Variants in CCS observed in about 807,000 individuals in gnomAD.
CCS encodes copper chaperone for superoxide dismutase.
Under a neutral mutation model 35.5 loss-of-function variants are expected in CCS, and 32 were observed. The ratio of observed to expected loss-of-function variants is 0.90; its 90% confidence interval spans 0.68 to 1.21. The LOEUF is 1.21. Ranked by LOEUF, CCS falls within the 50% of genes most tolerant of loss-of-function variation. CCS has a pLI of 0.00. For missense variants in CCS, 342 were observed against 375.4 expected (o/e 0.91, Z 0.73); for synonymous variants, 130 against 147.2 (o/e 0.88, Z 0.84).
chr11:66,598,431 T>C, intron 2 of CCS, among the ~76,000 whole-genome samples: 1 of 148,446 alleles, frequency 6.7e-6, no homozygotes, highest in Admixed American at 6.9e-5. Flanking sequence ...GGAGAATCGC[T>C]TGAACCCGGG....
intron 5 of CCS, among the ~76,000 whole-genome samples, chr11:66,603,480 G>A (rs571407189): frequency 6.6e-6 from 1 of 152,316 alleles, no homozygotes; most frequent in East Asian, 1.9e-4. Context: ...GGAGGCTGAG[G>A]CGGATGGGTC....
chr11:66,599,774 C>T (rs994716212), intron 4 of CCS, 138 bp downstream of exon 4: 26 of 835,652 alleles, frequency 3.1e-5, no homozygotes, highest in Non-Finnish European at 4.6e-5. Context: ...GGTTAAATGA[C>T]TTGCCAAAGG....
rs143110361 is a variant in CCS, at chr11:66,602,409, G to A, written c.489+1860G>A. Among the ~76,000 whole-genome samples, 124 of 152,308 alleles carry A rather than the reference G, an allele frequency of 8.1e-4. 3 individuals are homozygous for A. The East Asian group carries it at 0.021, about 26-fold the overall frequency. On this transcript the variant is annotated intron_variant, in intron 5 of 7. Coordinates refer to ENST00000533244, the MANE Select transcript of CCS (RefSeq NM_005125.2). ...GCCACATGGGTCTCTCCCTAGGGCA[G>A]CTAACAACACGGCAGTTGGCTTCTC...
intron 5 of CCS, among the ~76,000 whole-genome samples, chr11:66,603,633 T>C (rs1052512032): frequency 2.6e-5 from 4 of 152,126 alleles, no homozygotes; most frequent in African/African-American, 9.7e-5. Context: ...GATCACAAGG[T>C]CAGGAGATCG....
chr11:66,605,730 G>T lies in CCS; in HGVS notation c.700G>T (p.Ala234Ser), dbSNP rs10061. The change falls in exon 8 of 8, where the codon GCT (alanine) becomes TCT (serine). Residue 234 changes from alanine to serine, a missense_variant. Coordinates refer to ENST00000533244, the MANE Select transcript of CCS (RefSeq NM_005125.2). Reference protein sequence around the residue: ...RLACGIIARSAGLFQNPKQIC... With the variant: ...RLACGIIARSSGLFQNPKQIC... ...GGCCTGTGGCATCATTGCACGCTCC[G>T]CTGGCCTTTTCCAGAACCCCAAGCA... 1.3e-6 allele frequency: 2 copies of T among 1,599,570 alleles called. No individual in the cohort carries two copies. Among genetic ancestry groups the T allele is most frequent in the Non-Finnish European group, 1.7e-6 (2 of 1,172,480 alleles).
chr11:66,605,529 G>A lies in CCS; in HGVS notation c.608G>A (p.Gly203Glu), dbSNP rs778116806. ...VIGRSLIIDE[G>E]EDDLGRGGHP... ...GGCCGCAGCCTGATTATTGATGAGG[G>A]AGAAGATGACCTGGGCCGGGGAGGC... Residue 203 changes from glycine to glutamate, a missense_variant, in exon 7 of 8, where the codon GGA (glycine) becomes GAA (glutamate). Gly to Glu is a moderately conservative substitution (Grantham distance 98). Coordinates refer to ENST00000533244, the MANE Select transcript of CCS (RefSeq NM_005125.2). 3.1e-6 allele frequency: 5 copies of A among 1,614,004 alleles called. No individual in the cohort carries two copies. Among genetic ancestry groups the A allele is most frequent in the African/African-American group, 1.3e-5 (1 of 74,926 alleles).
At chr11:66,597,620 C>T (rs1371515655) in intron 2 of CCS, among the ~76,000 whole-genome samples, 14 of 151,092 alleles carry the variant, frequency 9.3e-5, no homozygotes, top group African/African-American at 2.2e-4. Flanking sequence ...GGCTTGGTGG[C>T]GGGCGCCTGT....
rs552779599 is a variant in CCS, at chr11:66,599,510, G to A, written c.302G>A (p.Gly101Glu). Reference protein sequence around the residue: ...AILGGPGTVQGVVRFLQLTPE... With the variant: ...AILGGPGTVQEVVRFLQLTPE... ...CTGGGGGGGCCTGGCACCGTGCAGG[G>A]GGTGGTGCGCTTCCTACAGCTGACC... Residue 101 changes from glycine (G) to glutamate (E), a missense_variant, in exon 4 of 8, where the codon GGG becomes GAG. Coordinates refer to ENST00000533244, the MANE Select transcript of CCS (RefSeq NM_005125.2). 9 of 1,582,232 alleles carry A rather than the reference G, an allele frequency of 5.7e-6. No homozygotes were observed. In the African/African-American group the frequency reaches 1.1e-4, roughly 19 times the overall value.
chr11:66,599,112 C>A lies in CCS; in HGVS notation c.113-4C>A, dbSNP rs1296044084. Reference sequence around the variant, plus strand: ...GTTGCCCTCTTCCCTCTCTTTCTTGCCAGGTGTCCAGGATGTGGAGGTGCA... The same window carrying A: ...GTTGCCCTCTTCCCTCTCTTTCTTGACAGGTGTCCAGGATGTGGAGGTGCA... On this transcript the variant is annotated splice_polypyrimidine_tract_variant and splice_region_variant and intron_variant, in intron 2 of 7. Transcript: ENST00000533244. 6.2e-7 allele frequency: 1 copy of A among 1,614,126 alleles called. No homozygotes were observed. The highest frequency in any genetic ancestry group is 2.2e-5 in the East Asian group (1 of 44,884).
At chr11:66,600,310 C>G in intron 4 of CCS, 179 bp from the exon 5 acceptor site, 2 of 408,374 alleles carry the variant, frequency 4.9e-6, no homozygotes, top group African/African-American at 4.1e-5. Context: ...GAAGCTTATT[C>G]AGGACAGGAC....
Position 66,605,783 on chromosome 11 carries a change from C to T in CCS, c.753C>T (p.Ile251=), listed in dbSNP as rs1127141. The T allele has an allele frequency of 2.3e-5, 37 of 1,607,264 alleles. No homozygotes were observed. The Admixed American group carries it at 3.2e-4, about 14-fold the overall frequency. Residue 251 remains isoleucine, a synonymous_variant, in exon 8 of 8, where the codon ATC becomes ATT. Transcript: ENST00000533244. ...TCTGCTCTTGCGATGGCCTCACCAT[C>T]TGGGAGGAGCGAGGCCGGCCCATCG... The part of the protein sequence containing the change: ...KQICSCDGLT[I]WEERGRPIAG...
chr11:66,594,347 A>G (rs1590827358), intron 2 of CCS, among the ~76,000 whole-genome samples: 8 of 152,262 alleles, frequency 5.3e-5, no homozygotes, highest in Non-Finnish European at 8.8e-5. Flanking sequence ...CAACAGAGTG[A>G]GACTCCGTCT....
Position 66,605,682 on chromosome 11 carries a change from G to T in CCS, c.672-20G>T. 1 of 1,575,674 alleles carries T rather than the reference G, an allele frequency of 6.3e-7. No individual in the cohort carries two copies. Among genetic ancestry groups the T allele is most frequent in the South Asian group, 1.2e-5 (1 of 86,400 alleles). On this transcript the variant is annotated intron_variant, in intron 7 of 7. Transcript: ENST00000533244. ...GGGGGCCAAACAGGTACCCACCCCT[G>T]ACCACACATTCTTCTGCAGGTTGGC...
chr11:66,596,159 C>T (rs1305976995), intron 2 of CCS, among the ~76,000 whole-genome samples: 2 of 152,168 alleles, frequency 1.3e-5, no homozygotes, highest in Non-Finnish European at 1.5e-5. Flanking sequence ...CCTCCACCTC[C>T]CGGTTCATTT....
intron 4 of CCS, chr11:66,599,987 G>A: frequency 8.7e-6 from 2 of 229,124 alleles, no homozygotes; most frequent in Non-Finnish European, 1.7e-5. Flanking sequence ...AGGTGCAGTG[G>A]CATGTGCCCA....
Position 66,605,701 on chromosome 11 carries a change from G to A in CCS, c.672-1G>A, listed in dbSNP as rs1172053810. On this transcript the variant is annotated splice_acceptor_variant, in intron 7 of 7. Coordinates refer to ENST00000533244, the MANE Select transcript of CCS (RefSeq NM_005125.2). LOFTEE classifies it high-confidence loss of function. ...ACCCCTGACCACACATTCTTCTGCA[G>A]GTTGGCCTGTGGCATCATTGCACGC... The A allele has an allele frequency of 6.3e-7, 1 of 1,581,432 alleles. No homozygotes were observed. The highest frequency in any genetic ancestry group is 1.1e-5 in the South Asian group (1 of 87,072).
In CCS at chr11:66,593,282, C is replaced by G; in HGVS notation, c.21C>G (p.Asn7Lys). MASDSG[N>K]QGTLCTLEFA... Reference sequence around the variant, plus strand: ...CCAGAATGGCTTCGGATTCGGGGAACCAGGGGACCCTCTGCACGGTGAGGG... The same window carrying G: ...CCAGAATGGCTTCGGATTCGGGGAAGCAGGGGACCCTCTGCACGGTGAGGG... Residue 7 changes from asparagine to lysine, a missense_variant, in exon 1 of 8, where the codon AAC becomes AAG. Transcript: ENST00000533244. 6.4e-7 allele frequency: 1 copy of G among 1,557,436 alleles called. No homozygotes were observed. Among genetic ancestry groups the G allele is most frequent in the Non-Finnish European group, 8.7e-7 (1 of 1,151,528 alleles).
intron 1 of CCS, 124 bp from the exon 2 acceptor site, chr11:66,593,518 T>C (rs1201451453): frequency 1.6e-5 from 17 of 1,074,326 alleles, no homozygotes; most frequent in Non-Finnish European, 2.1e-5. Flanking sequence ...AAGAAGGTGC[T>C]TGAAGAGGGG....
In CCS at chr11:66,600,531, C is replaced by T; in HGVS notation, c.471C>T (p.Gly157=). ...ACCCTGATGGAGCATCTCATGGGGG[C>T]CCCCAGGACTCTGACCGGGTAAGTG... ...HFNPDGASHG[G]PQDSDRHRGD... is the part of the protein sequence containing the mutation. The change falls in exon 5 of 8, where the codon GGC becomes GGT. Residue 157 remains glycine, a synonymous_variant. Coordinates refer to ENST00000533244, the MANE Select transcript of CCS (RefSeq NM_005125.2). 12 of 1,524,364 alleles carry T rather than the reference C, an allele frequency of 7.9e-6. No homozygotes were observed. The highest frequency in any genetic ancestry group is 9.7e-6 in the Non-Finnish European group (11 of 1,129,276). The allele number at this position is 1,524,364 out of a possible 1,614,324, so 94.4% of individuals were successfully genotyped here.
Sources: allele counts gnomAD v4.1 joint callset (sites outside exome capture counted in the v4.1 genomes callset), GRCh38; gene constraint gnomAD v4.1.1; transcripts MANE v1.5; gene names NCBI Gene and HGNC (gene_info 2026-07-23, HGNC 2026-07-21).